Variants in ZPBP observed in about 807,000 individuals in gnomAD.
ZPBP encodes zona pellucida binding protein.
A neutral mutation model predicts 44.8 loss-of-function variants in ZPBP; 26 were observed. That is an observed-to-expected ratio of 0.58 (90% confidence interval 0.43 to 0.81). ZPBP has a LOEUF of 0.81. ZPBP is among the 30% of genes least tolerant of loss of function. The pLI, the probability that ZPBP is intolerant of heterozygous loss-of-function variation, is 0.00. For missense variants in ZPBP, 409 were observed against 434.0 expected (o/e 0.94, Z 0.51); for synonymous variants, 174 against 153.2 (o/e 1.14, Z -1.00).
At chr7:50,055,549 T>C (rs548692649) in intron 4 of ZPBP, among the ~76,000 whole-genome samples, 49 of 152,132 alleles carry the variant, frequency 3.2e-4, no homozygotes, top group Admixed American at 1.2e-3. Flanking sequence ...ACTTAATAGC[T>C]ATGGTCTTGA....
At chr7:49,958,730 G>A (rs535488350) in intron 7 of ZPBP, among the ~76,000 whole-genome samples, 1 of 152,290 alleles carries the variant, frequency 6.6e-6, no homozygotes, top group African/African-American at 2.4e-5. Context: ...TGCTTTATTA[G>A]TGCAGGGATA....
At chr7:49,923,492 CTTA>C (rs1446491858) in intron 1 of ZPBP, among the ~76,000 whole-genome samples, 3 of 152,164 alleles carry the variant, frequency 2.0e-5, no homozygotes, top group Non-Finnish European at 4.4e-5. Context: ...ACAGCTGTGA[CTTA>C]TTAAGACCTA....
At chr7:49,891,920 T>G (rs1041630786) in intron 2 of ZPBP, among the ~76,000 whole-genome samples, 9 of 152,012 alleles carry the variant, frequency 5.9e-5, no homozygotes, top group African/African-American at 2.2e-4. Flanking sequence ...AAAGTAAATG[T>G]CTATCAAGAG....
chr7:49,940,684 T>TAA, intron 7 of ZPBP: 108 of 690,424 alleles, frequency 1.6e-4, no homozygotes, highest in Non-Finnish European at 1.8e-4. Flanking sequence ...TTGAAATGAT[T>TAA]AAAAAAAAAA....
intron 1 of ZPBP, chr7:49,912,371 C>T: frequency 1.8e-6 from 1 of 562,412 alleles, no homozygotes; most frequent in East Asian, 3.2e-5. Flanking sequence ...TTCAAAACAT[C>T]AACAAGAACT....
chr7:50,084,082 G>A (rs1324725730), intron 2 of ZPBP, among the ~76,000 whole-genome samples: 2 of 151,872 alleles, frequency 1.3e-5, no homozygotes, highest in Non-Finnish European at 2.9e-5. Context: ...TAAACAATAT[G>A]AAAAAGAACT....
At chr7:49,985,438 T>C (rs4917103) in intron 6 of ZPBP, among the ~76,000 whole-genome samples, 121,292 of 152,074 alleles carry the variant, frequency 0.8, 48,530 homozygotes, top group East Asian at 0.89. Flanking sequence ...TAAGTGAAGA[T>C]TTACTGTATT....
intron 7 of ZPBP, among the ~76,000 whole-genome samples, chr7:49,978,070 TTTG>T (rs1271667563): frequency 1.6e-4 from 19 of 120,974 alleles, no homozygotes; most frequent in African/African-American, 5.0e-4. Context: ...TTTGTTTGTT[TTTG>T]GTTTTTTGTT....
chr7:49,912,160 C>T (rs768674514), intron 1 of ZPBP: 29 of 1,613,684 alleles, frequency 1.8e-5, no homozygotes, highest in Middle Eastern at 1.6e-4. Flanking sequence ...GCCATGTGCA[C>T]GAGACATGAA....
At chr7:49,983,672 A>C (rs1430850379) in intron 6 of ZPBP, among the ~76,000 whole-genome samples, 153 bp from the exon 7 acceptor site, 1 of 152,120 alleles carries the variant, frequency 6.6e-6, no homozygotes, top group Non-Finnish European at 1.5e-5. Flanking sequence ...AAACACACAA[A>C]ACTGAAAAGA....
intron 2 of ZPBP, among the ~76,000 whole-genome samples, chr7:50,086,019 C>T (rs894809570): frequency 6.6e-6 from 1 of 152,074 alleles, no homozygotes; most frequent in Non-Finnish European, 1.5e-5. Context: ...TACGTCACAA[C>T]GTGCACAAAG....
chr7:50,049,482 G>A (rs1198576090), intron 4 of ZPBP, among the ~76,000 whole-genome samples: 4 of 151,192 alleles, frequency 2.6e-5, no homozygotes, highest in East Asian at 1.9e-4. Flanking sequence ...GATTTAAACC[G>A]AGAATGCAAG....
At chr7:49,889,430 A>G (rs1426903727) in intron 2 of ZPBP, among the ~76,000 whole-genome samples, 2 of 152,240 alleles carry the variant, frequency 1.3e-5, no homozygotes, top group Non-Finnish European at 2.9e-5. Flanking sequence ...TATGCCTCAA[A>G]TGTGGGGAAG....
intron 2 of ZPBP, among the ~76,000 whole-genome samples, chr7:49,870,035 G>A (rs1260283455): frequency 6.6e-6 from 1 of 152,208 alleles, no homozygotes; most frequent in East Asian, 1.9e-4. Flanking sequence ...TTCAAGAACA[G>A]GAAAACCGAT....
intron 7 of ZPBP, among the ~76,000 whole-genome samples, chr7:49,968,324 AC>A (rs1187036758): frequency 1.3e-5 from 2 of 152,124 alleles, no homozygotes; most frequent in African/African-American, 2.4e-5. Context: ...CAATATTATA[AC>A]AATGCAAATT....
intron 7 of ZPBP, among the ~76,000 whole-genome samples, chr7:49,937,893 A>G (rs141800597): frequency 9.8e-5 from 15 of 152,296 alleles, no homozygotes; most frequent in Middle Eastern, 3.4e-3. Context: ...ATACACTGAA[A>G]GTTTTAATTA....
In ZPBP at chr7:50,093,092, A is replaced by G. The variant is rs1194019093; in HGVS notation, c.103T>C (p.Phe35Leu). Residue 35 changes from phenylalanine (F) to leucine (L), a missense_variant, in exon 1 of 8, where the codon TTC (phenylalanine) becomes CTC (leucine). Physicochemically the swap from Phe to Leu is conservative, Grantham distance 22 (BLOSUM62 0). Around this residue, in one of 2 missense-constraint regions of ZPBP, gnomAD observed 367 missense variants for 363.1 expected, o/e 1.01. Coordinates refer to ENST00000046087, the MANE Select transcript of ZPBP (RefSeq NM_007009.3). ...RAAILLFISAFLVRVPSSVGH... is the reference protein window; with the variant it reads ...RAAILLFISALLVRVPSSVGH... ...CCTGATGAGGGCACCCGCACCAGGA[A>G]GGCGGAGATAAAGAGGAGGATGGCG... 1 of 1,600,228 alleles carries G rather than the reference A, an allele frequency of 6.2e-7. No homozygotes were observed. Among genetic ancestry groups the G allele is most frequent in the Non-Finnish European group, 8.5e-7 (1 of 1,173,664 alleles).
chr7:49,860,811 A>C (rs185191075), intron 2 of ZPBP, among the ~76,000 whole-genome samples: 4 of 152,358 alleles, frequency 2.6e-5, no homozygotes, highest in Admixed American at 1.3e-4. Context: ...CTATAAGAAG[A>C]AGAGACACCA....
At chr7:49,939,430 A>G (rs1042027180) in intron 7 of ZPBP, among the ~76,000 whole-genome samples, 1 of 152,176 alleles carries the variant, frequency 6.6e-6, no homozygotes, top group African/African-American at 2.4e-5. Context: ...CCTTCCTAGT[A>G]TACATACTAA....
Sources: gnomAD v4.1 joint callset for allele counts (sites outside exome capture counted in the v4.1 genomes callset) on GRCh38, gnomAD v4.1.1 for gene constraint, gnomAD v4.1.1 regional missense constraint, MANE v1.5 for transcripts, NCBI Gene and HGNC (gene_info 2026-07-23, HGNC 2026-07-21) for gene names.